The following RBCK1 variants were observed in gnomAD, a reference collection of about 807,000 sequenced individuals.
RBCK1 encodes the protein RANBP2-type and C3HC4-type zinc finger containing 1.
RBCK1 carries 44 observed loss-of-function variants against 71.1 expected under a neutral mutation model. The observed-to-expected ratio is 0.62, with a 90% CI of 0.49 to 0.80. The LOEUF is 0.80. Among genes scored for constraint, RBCK1 ranks in the 30% least tolerant of loss-of-function variants. The pLI is 0.00. For synonymous variants in RBCK1, 306 were observed against 279.7 expected (o/e 1.09, Z -0.94); for missense variants, 569 against 685.0 (o/e 0.83, Z 1.89).
rs1265698911 is a variant in RBCK1 at position 408,722 on chromosome 20, C to A, written c.-36C>A. 6.2e-7 allele frequency: 1 copy of A among 1,611,320 alleles called. No individual in the cohort carries two copies. Among genetic ancestry groups the A allele is most frequent in the Non-Finnish European group, 8.5e-7 (1 of 1,179,234 alleles). On this transcript the variant is annotated 5_prime_UTR_variant, in exon 1 of 12. Coordinates refer to ENST00000356286, the MANE Select transcript of RBCK1 (RefSeq NM_031229.4). ...CGGAGGTAGCATTTCCCAGGAGGCA[C>A]GGTCCCCCCCAGGGGGATGGGCACA...
chr20:418,014 C>T, intron 4 of RBCK1, 84 bp downstream of exon 4: 1 of 1,404,194 alleles, frequency 7.1e-7, no homozygotes, highest in Non-Finnish European at 9.5e-7. Context: ...GGCAGAGCCC[C>T]TGGGTTTTTA....
intron 8 of RBCK1, among the ~76,000 whole-genome samples, chr20:424,147 G>A (rs1164568649): frequency 2.6e-5 from 4 of 152,208 alleles, no homozygotes; most frequent in East Asian, 1.9e-4. Context: ...CTGTCACAGC[G>A]TTATGTGTGT....
chr20:419,766 AC>A, intron 6 of RBCK1, 35 bp downstream of exon 6: 1 of 1,527,992 alleles, frequency 6.5e-7, no homozygotes, highest in Non-Finnish European at 8.8e-7. Flanking sequence ...ACACCTGCAG[AC>A]CGCACGGGGG....
chr20:419,854 G>C (rs887864686), intron 6 of RBCK1, 123 bp downstream of exon 6: 1 of 1,443,378 alleles, frequency 6.9e-7, no homozygotes, highest in South Asian at 1.4e-5. Flanking sequence ...CAACCATGCT[G>C]CTGGCAGTGA....
rs760299554 is a variant in RBCK1 at position 422,946 on chromosome 20, G to A, written c.1029+708G>A. Among the ~76,000 whole-genome samples, 3 of 152,194 alleles carry A rather than the reference G, an allele frequency of 2.0e-5. No individual in the cohort carries two copies. Among genetic ancestry groups the A allele is most frequent in the Non-Finnish European group, 4.4e-5 (3 of 68,040 alleles). ...CTCTATCTCATCTCTGTTAGAGTCA[G>A]AGTTACAGCTTCTATTTCCAGGATT... is the stretch of plus-strand genomic sequence containing the variant. On this transcript the variant is annotated intron_variant, in intron 8 of 11. Transcript: ENST00000356286. This position sits in a 1 kb window ranked among gnomAD's most constrained non-coding sequence, Gnocchi z 5.0.
chr20:424,644 G>GGA (rs1192897460), intron 8 of RBCK1, among the ~76,000 whole-genome samples: 2 of 152,142 alleles, frequency 1.3e-5, no homozygotes, highest in African/African-American at 4.8e-5. Context: ...GCTCTGGCCT[G>GGA]GAGAGACCTC....
intron 2 of RBCK1, 88 bp downstream of exon 2, chr20:410,113 T>C: frequency 1.4e-6 from 2 of 1,452,098 alleles, no homozygotes; most frequent in Non-Finnish European, 9.3e-7. Context: ...TGGCACGTTC[T>C]GGCTTCAGGA....
rs145329089 is a variant in RBCK1 at position 417,110 on chromosome 20, C to T, written c.168-416C>T. ...TTTTATCTGTAAAACAGGGATACAG[C>T]AGTACCTGTCTGATGGGTTGGTTGA... On this transcript the variant is annotated intron_variant, in intron 2 of 11. Transcript: ENST00000356286. The surrounding 1 kb of genome is among the most constrained non-coding windows in gnomAD (Gnocchi z 4.7). The T allele has an allele frequency of 3.0e-3, 1,321 of 447,598 alleles. 2 individuals are homozygous for T. Among genetic ancestry groups the T allele is most frequent in the Non-Finnish European group, 4.2e-3 (891 of 214,350 alleles). The allele number at this position is 447,598 out of a possible 1,614,324, so 27.7% of individuals were successfully genotyped here.
Position 430,617 on chromosome 20 carries a change from T to G in RBCK1, c.*187T>G. The G allele has an allele frequency of 1.6e-6, 1 of 629,168 alleles. No individual in the cohort carries two copies. Among genetic ancestry groups the G allele is most frequent in the South Asian group, 1.9e-5 (1 of 53,666 alleles). The allele number at this position is 629,168 out of a possible 1,614,324, so 39.0% of individuals were successfully genotyped here. ...TTCCCTTGGGGCTTGCCGGCCAGAC[T>G]TCTCTCCCCTGCGGCTCCCACCTCT... On this transcript the variant is annotated 3_prime_UTR_variant, in exon 12 of 12. Coordinates refer to ENST00000356286, the MANE Select transcript of RBCK1 (RefSeq NM_031229.4). The surrounding 1 kb of genome is among the most constrained non-coding windows in gnomAD (Gnocchi z 5.6).
At chr20:419,273 C>T (rs1484822934) in intron 4 of RBCK1, 74 bp from the exon 5 acceptor site, 4 of 1,594,646 alleles carry the variant, frequency 2.5e-6, no homozygotes, top group Admixed American at 3.5e-5. Context: ...CTGGCTGGCT[C>T]AGGGAGACCC....
chr20:426,086 C>T (rs770729985), intron 8 of RBCK1, among the ~76,000 whole-genome samples: 8 of 151,936 alleles, frequency 5.3e-5, no homozygotes, highest in African/African-American at 9.7e-5. Flanking sequence ...TTTATTTTTG[C>T]GGGTACATAG....
At chr20:421,933 C>T (rs1475895263) in intron 7 of RBCK1, 194 bp from the exon 8 acceptor site, 9 of 564,118 alleles carry the variant, frequency 1.6e-5, no homozygotes, top group African/African-American at 5.7e-5. Flanking sequence ...AGAATCAGAG[C>T]GGCAGTATGG....
chr20:421,457 G>A (rs1307374489), intron 7 of RBCK1, among the ~76,000 whole-genome samples: 3 of 152,200 alleles, frequency 2.0e-5, no homozygotes, highest in Admixed American at 6.5e-5. Flanking sequence ...GACAGGCTCC[G>A]TGCCTGCCTC....
chr20:426,017 T>C (rs1455030891), intron 8 of RBCK1, among the ~76,000 whole-genome samples: 1 of 152,256 alleles, frequency 6.6e-6, no homozygotes, highest in Non-Finnish European at 1.5e-5. Context: ...TGAAACGTTA[T>C]TGCCACATTG....
intron 8 of RBCK1, among the ~76,000 whole-genome samples, chr20:423,508 A>C (rs1029503433): frequency 3.9e-5 from 6 of 152,154 alleles, no homozygotes; most frequent in Non-Finnish European, 2.9e-5. Context: ...TATTCTTACA[A>C]AAAAAATTAC....
intron 9 of RBCK1, 53 bp downstream of exon 9, chr20:427,545 T>C: frequency 6.3e-7 from 1 of 1,586,882 alleles, no homozygotes; most frequent in Non-Finnish European, 8.6e-7. Flanking sequence ...TGCCTGGAGC[T>C]CACCACACTG....
In RBCK1 at chr20:428,596, C is replaced by T. The variant is rs2122334650; in HGVS notation, c.1308+7C>T. ...GACGACAGAGATGCTGAAGGTGAGG[C>T]TGGGACAGGGCCGAGGCCTAGGGAT... On this transcript the variant is annotated splice_region_variant and intron_variant, in intron 10 of 11. Coordinates refer to ENST00000356286, the MANE Select transcript of RBCK1 (RefSeq NM_031229.4). This position sits in a 1 kb window ranked among gnomAD's most constrained non-coding sequence, Gnocchi z 5.7. 1 of 1,606,904 alleles carries T rather than the reference C, an allele frequency of 6.2e-7. No homozygotes were observed. Among genetic ancestry groups the T allele is most frequent in the Non-Finnish European group, 8.5e-7 (1 of 1,176,952 alleles).
chr20:420,328 A>G, intron 6 of RBCK1: 1 of 983,708 alleles, frequency 1.0e-6, no homozygotes, highest in South Asian at 4.7e-5. Flanking sequence ...ACAGACATTG[A>G]TCCCCGAGTG....
At chr20:416,216 C>T (rs1187401246) in intron 2 of RBCK1, among the ~76,000 whole-genome samples, 2 of 144,510 alleles carry the variant, frequency 1.4e-5, no homozygotes, top group African/African-American at 2.6e-5. Context: ...AGTGCGGTGG[C>T]GCAATCTTGG....
Sources: allele counts gnomAD v4.1 joint callset (sites outside exome capture counted in the v4.1 genomes callset), GRCh38; gene constraint gnomAD v4.1.1; non-coding constraint Gnocchi (gnomAD v3.1); transcripts MANE v1.5; gene names NCBI Gene and HGNC (gene_info 2026-07-23, HGNC 2026-07-21).